RIT2: variants seen among roughly 807,000 people sequenced by gnomAD.
RIT2 encodes the protein Ras like without CAAX 2, also known as GTP-binding protein Rit2.
A neutral mutation model predicts 23.7 loss-of-function variants in RIT2; 24 were observed. The ratio of observed to expected loss-of-function variants is 1.01; its 90% CI spans 0.73 to 1.43. The LOEUF (loss-of-function observed/expected upper bound fraction) is 1.43, where lower values mean the gene tolerates loss of function less well. RIT2 is among the 40% of genes most tolerant of loss of function. The probability of loss-of-function intolerance (pLI) is 0.00; values close to 1 mark genes in which losing one functional copy is unlikely to be tolerated. For synonymous variants in RIT2, 107 were observed against 91.1 expected (o/e 1.17, Z -0.99); for missense variants, 236 against 266.9 (o/e 0.88, Z 0.81).
chr18:42,978,459 C>A (rs192023455), intron 2 of RIT2, among the ~76,000 whole-genome samples: 2 of 152,126 alleles, frequency 1.3e-5, no homozygotes, highest in East Asian at 1.9e-4. Flanking sequence ...CCCTTTGAGA[C>A]CACCCATGCA....
intron 4 of RIT2, among the ~76,000 whole-genome samples, chr18:42,839,756 T>C (rs940865282): frequency 6.6e-6 from 1 of 152,144 alleles, no homozygotes; most frequent in Non-Finnish European, 1.5e-5. Flanking sequence ...AGAATGAACA[T>C]ACGAATGGAC....
At chr18:42,919,818 C>T (rs898062700) in intron 4 of RIT2, among the ~76,000 whole-genome samples, 7 of 152,078 alleles carry the variant, frequency 4.6e-5, no homozygotes, top group Admixed American at 4.6e-4. Context: ...CTTTGCACAG[C>T]CGGTCAGGGT....
At chr18:43,022,071 G>A (rs1911610689) in intron 2 of RIT2, among the ~76,000 whole-genome samples, 1 of 152,004 alleles carries the variant, frequency 6.6e-6, no homozygotes, top group Non-Finnish European at 1.5e-5. Flanking sequence ...TCCATCAATG[G>A]ATGAATGAAT....
At chr18:42,814,982 A>G (rs767690001) in intron 4 of RIT2, among the ~76,000 whole-genome samples, 3 of 152,182 alleles carry the variant, frequency 2.0e-5, no homozygotes, top group Admixed American at 6.5e-5. Flanking sequence ...GGACAGTAGT[A>G]CATCAGGGGA....
chr18:42,770,814 G>A (rs1459802104), intron 4 of RIT2, among the ~76,000 whole-genome samples: 1 of 150,528 alleles, frequency 6.6e-6, no homozygotes, highest in African/African-American at 2.4e-5. Context: ...AAGAAAGAAA[G>A]GAAAGAAGAG....
intron 1 of RIT2, among the ~76,000 whole-genome samples, chr18:43,037,436 C>A (rs2144288960): frequency 6.6e-6 from 1 of 152,102 alleles, no homozygotes; most frequent in South Asian, 2.1e-4. Context: ...CCTAATTTTT[C>A]TTTGAATTTA....
intron 4 of RIT2, among the ~76,000 whole-genome samples, chr18:42,781,667 T>C (rs1047805701): frequency 1.3e-5 from 2 of 152,194 alleles, no homozygotes; most frequent in South Asian, 2.1e-4. Flanking sequence ...AACATACTAG[T>C]GCATATGAGC....
At chr18:42,845,951 A>G (rs1256469610) in intron 4 of RIT2, among the ~76,000 whole-genome samples, 1 of 152,020 alleles carries the variant, frequency 6.6e-6, no homozygotes, top group East Asian at 1.9e-4. Context: ...ATAAAGTTGT[A>G]AAATCAGTAT....
intron 1 of RIT2, among the ~76,000 whole-genome samples, chr18:43,105,640 G>A (rs1913805852): frequency 6.6e-6 from 1 of 152,108 alleles, no homozygotes; most frequent in Admixed American, 6.5e-5. Context: ...CCCTTAATGA[G>A]GAAAAGGGAG....
intron 4 of RIT2, among the ~76,000 whole-genome samples, chr18:42,885,385 A>C (rs897989595): frequency 9.9e-5 from 15 of 152,210 alleles, no homozygotes; most frequent in Admixed American, 5.2e-4. Context: ...GGAGATCAAG[A>C]TCATCCTGGC....
At chr18:42,823,715 T>C (rs140387439) in intron 4 of RIT2, among the ~76,000 whole-genome samples, 1 of 152,164 alleles carries the variant, frequency 6.6e-6, no homozygotes, top group East Asian at 1.9e-4. Context: ...GCACCAGTAC[T>C]ACACCAGAAG....
chr18:42,956,091 T>C (rs1909964498), intron 3 of RIT2, among the ~76,000 whole-genome samples: 1 of 152,126 alleles, frequency 6.6e-6, no homozygotes, highest in South Asian at 2.1e-4. Context: ...AACCCTCTTT[T>C]CACAGAAAAT....
rs531655705 is a variant in RIT2, at chr18:42,788,242, T to C, written c.427-44522A>G. On this transcript the variant is annotated intron_variant, in intron 4 of 4. Coordinates refer to ENST00000326695, the MANE Select transcript of RIT2 (RefSeq NM_002930.4). ...TAATGAAATATTTGCTAATATATTGTTTAGTTAAAATATACGGAGAAAATC... is the reference window on the plus strand; with the variant it reads ...TAATGAAATATTTGCTAATATATTGCTTAGTTAAAATATACGGAGAAAATC... 1.0e-3 allele frequency among the ~76,000 whole-genome samples: 156 copies of C among 152,286 alleles called. 2 individuals carry two copies. The highest frequency in any genetic ancestry group is 1.9e-3 in the Non-Finnish European group (130 of 67,990).
At position 42,929,059 on chromosome 18, in the gene RIT2, T is replaced by TATATATATATA. The variant is rs1307173363; in HGVS notation, c.235-5297_235-5296insTATATATATAT. Among the ~76,000 whole-genome samples, 397 of 50,100 alleles carry TATATATATATA rather than the reference T, an allele frequency of 7.9e-3. 5 individuals are homozygous for TATATATATATA. The highest frequency in any genetic ancestry group is 0.022 in the African/African-American group (368 of 16,374). 32.9% of individuals were successfully genotyped at this position (50,100 alleles called of 152,430 possible). A position where few individuals can be genotyped will look rare whatever the true frequency, so the allele number is the denominator to read the frequency against. ...GATATATATATATATATATATATAT[T>TATATATATATA]TATATGAGACAAATAAAAATTAGAG... On this transcript the variant is annotated intron_variant, in intron 3 of 4. Coordinates refer to ENST00000326695, the MANE Select transcript of RIT2 (RefSeq NM_002930.4).
At chr18:42,911,185 C>A (rs1908760413) in intron 4 of RIT2, among the ~76,000 whole-genome samples, 1 of 151,872 alleles carries the variant, frequency 6.6e-6, no homozygotes, top group South Asian at 2.1e-4. Context: ...CTAAATAATG[C>A]ATTGGTCAAA....
At chr18:42,867,894 A>G (rs1001214510) in intron 4 of RIT2, among the ~76,000 whole-genome samples, 6 of 152,222 alleles carry the variant, frequency 3.9e-5, no homozygotes, top group East Asian at 1.9e-4. Flanking sequence ...GGAATCCCCA[A>G]TCAATTAAAT....
At chr18:42,889,643 C>T (rs1908119309) in intron 4 of RIT2, among the ~76,000 whole-genome samples, 1 of 151,814 alleles carries the variant, frequency 6.6e-6, no homozygotes, top group South Asian at 2.1e-4. Context: ...GCAAATATGC[C>T]TTAAAGCTAA....
At chr18:42,964,498 A>AC (rs368319254) in intron 3 of RIT2, among the ~76,000 whole-genome samples, 14 of 151,848 alleles carry the variant, frequency 9.2e-5, no homozygotes, top group African/African-American at 3.1e-4. Context: ...TCACTACTCC[A>AC]CCCCCACCTG....
At position 43,017,235 on chromosome 18, in the gene RIT2, C is replaced by A. The variant is rs77209685; in HGVS notation, c.160+16576G>T. Among the ~76,000 whole-genome samples, 9 of 151,990 alleles carry A rather than the reference C, an allele frequency of 5.9e-5. No individual in the cohort carries two copies. The South Asian group carries it at 1.7e-3, about 28-fold the overall frequency. On this transcript the variant is annotated intron_variant, in intron 2 of 4. Transcript: ENST00000326695. ...ACACTTTGTTAGCTCATTTTAGGTA[C>A]GCTTAAAATAGCTTTTACATCTCAA...
Sources: gnomAD v4.1 joint callset for allele counts (sites outside exome capture counted in the v4.1 genomes callset) on GRCh38, gnomAD v4.1.1 for gene constraint, MANE v1.5 for transcripts, NCBI Gene and HGNC (gene_info 2026-07-23, HGNC 2026-07-21) for gene names.